Variants in GAP43 observed in about 807,000 individuals in gnomAD.
GAP43 encodes the protein growth associated protein 43.
GAP43 carries 6 observed loss-of-function variants against 18.6 expected under a neutral mutation model. That is an observed-to-expected ratio of 0.32 (90% CI 0.18 to 0.64). The LOEUF (loss-of-function observed/expected upper bound fraction) is 0.64. Among genes scored for constraint, GAP43 ranks in the 30% least tolerant of loss-of-function variants. The pLI is 0.78. For synonymous variants in GAP43, 115 were observed against 111.4 expected, an observed-to-expected ratio of 1.03 and a Z score of -0.20; for missense variants, 292 against 295.5, an observed-to-expected ratio of 0.99 and a Z score of 0.09.
intron 2 of GAP43, among the ~76,000 whole-genome samples, chr3:115,699,032 G>C (rs1477635266): frequency 6.6e-6 from 1 of 152,162 alleles, no homozygotes; most frequent in Non-Finnish European, 1.5e-5. Context: ...AGCCATTCTC[G>C]TGGATTGGAA....
chr3:115,714,236 T>C (rs915233120), intron 2 of GAP43, among the ~76,000 whole-genome samples: 2 of 152,220 alleles, frequency 1.3e-5, no homozygotes, highest in Non-Finnish European at 2.9e-5. Flanking sequence ...TGAGCTATCA[T>C]GCATCAAGAA....
chr3:115,677,526 C>T (rs1160688325), intron 2 of GAP43, among the ~76,000 whole-genome samples: 1 of 152,134 alleles, frequency 6.6e-6, no homozygotes, highest in African/African-American at 2.4e-5. Context: ...GAGACTAGAT[C>T]CTTCCCTCAC....
chr3:115,714,451 T>A (rs537054656), intron 2 of GAP43, among the ~76,000 whole-genome samples: 4 of 152,290 alleles, frequency 2.6e-5, no homozygotes, highest in Admixed American at 2.0e-4. Flanking sequence ...TCTGTCCAAA[T>A]GACTGAATAT....
At chr3:115,669,997 A>AAAAT (rs1708795086) in intron 1 of GAP43, among the ~76,000 whole-genome samples, 9 of 123,510 alleles carry the variant, frequency 7.3e-5, no homozygotes, top group African/African-American at 2.1e-4. Flanking sequence ...TTTTTTTTTA[A>AAAAT]TTTTTTTTTT....
chr3:115,715,481 A>G (rs1709492046), intron 2 of GAP43, among the ~76,000 whole-genome samples: 1 of 152,118 alleles, frequency 6.6e-6, no homozygotes, highest in African/African-American at 2.4e-5. Context: ...CTAAGTAATA[A>G]CTGTCTCAGA....
intron 1 of GAP43, among the ~76,000 whole-genome samples, chr3:115,667,570 C>G (rs1387266227): frequency 1.3e-5 from 2 of 152,174 alleles, no homozygotes; most frequent in Non-Finnish European, 2.9e-5. Flanking sequence ...CAGTGTCTTA[C>G]CTGGAAGGAA....
At position 115,676,622 on chromosome 3, in the gene GAP43, C is replaced by T. The variant is rs200268069; in HGVS notation, c.628+12C>T. On this transcript the variant is annotated intron_variant, in intron 2 of 2. Coordinates refer to ENST00000305124, the MANE Select transcript of GAP43 (RefSeq NM_002045.4). ...TGAAGAGAACATAGGTGAGCAACCG[C>T]GAGGGTCAGATGCAATGGGTGGATG... 13 of 1,560,416 alleles carry T rather than the reference C, an allele frequency of 8.3e-6. No individual in the cohort carries two copies. The highest frequency in any genetic ancestry group is 5.4e-5 in the African/African-American group (4 of 73,750).
chr3:115,687,690 A>G (rs1323642942), intron 2 of GAP43, among the ~76,000 whole-genome samples: 2 of 152,160 alleles, frequency 1.3e-5, no homozygotes, highest in Non-Finnish European at 2.9e-5. Flanking sequence ...TTGGGGTCCT[A>G]TCTCGCAATC....
intron 1 of GAP43, among the ~76,000 whole-genome samples, chr3:115,661,896 G>T (rs1708665750): frequency 7.1e-6 from 1 of 139,874 alleles, no homozygotes; most frequent in Non-Finnish European, 1.5e-5. Context: ...CAAGAGAAGT[G>T]GGAAGATAGG....
chr3:115,654,312 A>C (rs1469861606), intron 1 of GAP43, among the ~76,000 whole-genome samples: 1 of 152,216 alleles, frequency 6.6e-6, no homozygotes, highest in Non-Finnish European at 1.5e-5. Flanking sequence ...CCAGTAGATG[A>C]AACCGCAAAG....
At chr3:115,702,691 G>A (rs1053550320) in intron 2 of GAP43, among the ~76,000 whole-genome samples, 7 of 152,046 alleles carry the variant, frequency 4.6e-5, no homozygotes, top group African/African-American at 1.7e-4. Context: ...TTTGCAATCA[G>A]GGGAAGTCCA....
intron 1 of GAP43, among the ~76,000 whole-genome samples, chr3:115,667,314 C>A (rs781519362): frequency 1.3e-5 from 2 of 152,008 alleles, no homozygotes; most frequent in Non-Finnish European, 2.9e-5. Flanking sequence ...AGAAGTGGAC[C>A]AAGAGTGACA....
Position 115,698,123 on chromosome 3 carries a change from T to A in GAP43, c.628+21513T>A, listed in dbSNP as rs997086725. On this transcript the variant is annotated intron_variant, in intron 2 of 2. Coordinates refer to ENST00000305124, the MANE Select transcript of GAP43 (RefSeq NM_002045.4). ...TAATATATAAAATATATAATATATA[T>A]TATATATAATATATATAATATATAT... Among the ~76,000 whole-genome samples the A allele has an allele frequency of 9.1e-3, 91 of 10,024 alleles. 2 individuals are homozygous for A. The highest frequency in any genetic ancestry group is 0.013 in the African/African-American group (85 of 6,774). 6.6% of individuals were successfully genotyped at this position (10,024 alleles called of 152,430 possible). A position where few individuals can be genotyped will look rare whatever the true frequency, so the allele number is the denominator to read the frequency against.
chr3:115,635,886 T>C (rs1203204348), intron 1 of GAP43, among the ~76,000 whole-genome samples: 1 of 152,130 alleles, frequency 6.6e-6, no homozygotes, highest in African/African-American at 2.4e-5. Flanking sequence ...TATCTTATGC[T>C]AGACCAAATC....
intron 2 of GAP43, among the ~76,000 whole-genome samples, chr3:115,690,098 C>G (rs140150790): frequency 2.1e-4 from 32 of 152,362 alleles, no homozygotes; most frequent in African/African-American, 7.5e-4. Context: ...TCTTCCAGCA[C>G]TAGCGCTCTC....
intron 1 of GAP43, among the ~76,000 whole-genome samples, chr3:115,659,798 C>CGAAG: frequency 1.3e-5 from 2 of 152,190 alleles, no homozygotes; most frequent in Middle Eastern, 6.8e-3. Context: ...TTAGAACCTT[C>CGAAG]CCTCTCTGTT....
chr3:115,623,762 C>T, intron 1 of GAP43, 43 bp downstream of exon 1: 2 of 1,608,860 alleles, frequency 1.2e-6, no homozygotes, highest in Admixed American at 1.7e-5. Context: ...GTGAAATAAC[C>T]CGAGTACAGT....
intron 2 of GAP43, among the ~76,000 whole-genome samples, chr3:115,692,735 G>C (rs1160650184): frequency 6.6e-6 from 1 of 152,150 alleles, no homozygotes; most frequent in African/African-American, 2.4e-5. Context: ...GGTGGTTAAA[G>C]TTTTTACTTC....
chr3:115,623,540 G>A lies in GAP43; in HGVS notation c.-150G>A, dbSNP rs1445623674. 2 of 857,388 alleles carry A rather than the reference G, an allele frequency of 2.3e-6. No individual in the cohort carries two copies. The highest frequency in any genetic ancestry group is 2.2e-4 in the Middle Eastern group (1 of 4,470). 53.1% of individuals were successfully genotyped at this position (857,388 alleles called of 1,614,324 possible). A position where few individuals can be genotyped will look rare whatever the true frequency, so the allele number is the denominator to read the frequency against. On this transcript the variant is annotated 5_prime_UTR_variant, in exon 1 of 3. Transcript: ENST00000305124. ...TGCTGCTAACTGCCCTGGTGTGTGT[G>A]AGGGAGAGAGAGGGAGGGAGGGAGA...
Sources: allele counts gnomAD v4.1 joint callset (sites outside exome capture counted in the v4.1 genomes callset), GRCh38; gene constraint gnomAD v4.1.1; transcripts MANE v1.5; gene names NCBI Gene and HGNC (gene_info 2026-07-23, HGNC 2026-07-21).